Variants in GALNTL6 observed in about 807,000 individuals in gnomAD.
GALNTL6 encodes polypeptide N-acetylgalactosaminyltransferase-like 6.
Under a neutral mutation model 73.7 loss-of-function variants are expected in GALNTL6, and 46 were observed. The ratio of observed to expected loss-of-function variants is 0.62; its 90% CI spans 0.49 to 0.80. The LOEUF (loss-of-function observed/expected upper bound fraction) is 0.80. Among genes scored for constraint, GALNTL6 ranks in the 30% least tolerant of loss-of-function variants. The pLI is 0.00. For synonymous variants in GALNTL6, 259 were observed against 263.7 expected, an observed-to-expected ratio of 0.98 and a Z score of 0.17; for missense variants, 604 against 755.0, an observed-to-expected ratio of 0.80 and a Z score of 2.34.
chr4:173,009,229 G>A lies in GALNTL6; in HGVS notation c.1423G>A (p.Gly475Arg), dbSNP rs137921635. Residue 475 changes from glycine to arginine, a missense_variant, in exon 11 of 13, where the codon GGA becomes AGA. Physicochemically the swap from Gly to Arg is moderately radical, Grantham distance 125. Around this residue, in one of 5 missense-constraint regions of GALNTL6, gnomAD observed 261 missense variants for 296.5 expected, o/e 0.88. Coordinates refer to ENST00000506823, the MANE Select transcript of GALNTL6 (RefSeq NM_001034845.3). The part of the protein sequence containing the change: ...LCVDSKHGAT[G>R]TELRLDICVK... ...TGTGGACAGCAAGCATGGAGCCACC[G>A]GAACAGAGCTGAGGCTGGACATCTG... The A allele has an allele frequency of 2.5e-5, 40 of 1,613,988 alleles. No individual in the cohort carries two copies. In the South Asian group the frequency reaches 2.5e-4, roughly 10 times the overall value.
chr4:172,321,167 A>C (rs1021599575), intron 4 of GALNTL6, among the ~76,000 whole-genome samples: 4 of 152,136 alleles, frequency 2.6e-5, no homozygotes, highest in African/African-American at 7.2e-5. Flanking sequence ...AATAATAATA[A>C]ATATAGAGTT....
At chr4:171,856,896 T>C (rs1395307859) in intron 2 of GALNTL6, among the ~76,000 whole-genome samples, 5 of 152,186 alleles carry the variant, frequency 3.3e-5, no homozygotes, top group Admixed American at 1.3e-4. Context: ...TTTTTCTCCT[T>C]CAATATTGTC....
At chr4:171,886,027 T>C (rs946918344) in intron 2 of GALNTL6, among the ~76,000 whole-genome samples, 1 of 151,796 alleles carries the variant, frequency 6.6e-6, no homozygotes, top group Non-Finnish European at 1.5e-5. Flanking sequence ...CCAGAAAAAA[T>C]TGTAGAGATT....
intron 5 of GALNTL6, among the ~76,000 whole-genome samples, chr4:172,485,713 G>A (rs1733641198): frequency 6.6e-6 from 1 of 152,064 alleles, no homozygotes; most frequent in Non-Finnish European, 1.5e-5. Flanking sequence ...ATAAAAAAGA[G>A]AACTGGCAAA....
At chr4:171,851,253 C>G (rs1368382333) in intron 2 of GALNTL6, among the ~76,000 whole-genome samples, 2 of 152,182 alleles carry the variant, frequency 1.3e-5, no homozygotes, top group Non-Finnish European at 2.9e-5. Flanking sequence ...CTTAGCTCAT[C>G]ACTGGATTCT....
Position 173,032,450 on chromosome 4 carries a change from C to CAA in GALNTL6, c.1639-7467_1639-7466dup, listed in dbSNP as rs1394068256. 1.8e-3 allele frequency among the ~76,000 whole-genome samples: 156 copies of CAA among 87,412 alleles called. 2 individuals are homozygous for CAA. The highest frequency in any genetic ancestry group is 2.9e-3 in the Non-Finnish European group (118 of 40,474). The allele number at this position is 87,412 out of a possible 152,430, so 57.3% of individuals were successfully genotyped here. On this transcript the variant is annotated intron_variant, in intron 12 of 12. Transcript: ENST00000506823. ...TCGGCGACAGAGCGAGACTCCGTCT[C>CAA]AAAAAAAAAAAAAAAAAGTTATATA...
At chr4:172,168,656 GTGA>G (rs1734712645) in intron 2 of GALNTL6, among the ~76,000 whole-genome samples, 1 of 151,898 alleles carries the variant, frequency 6.6e-6, no homozygotes, top group African/African-American at 2.4e-5. Context: ...GCTGGTGATG[GTGA>G]TGATGGTAAT....
chr4:172,266,221 G>A (rs73870050), intron 3 of GALNTL6: 6,350 of 152,346 alleles, frequency 0.042, 439 homozygotes, highest in African/African-American at 0.14. Context: ...GTGAAAGGAG[G>A]GGGTTTACCA....
At chr4:172,552,747 A>G (rs1457850729) in intron 5 of GALNTL6, among the ~76,000 whole-genome samples, 2 of 140,722 alleles carry the variant, frequency 1.4e-5, no homozygotes, top group African/African-American at 5.4e-5. Context: ...TTTTTTTTTT[A>G]ATTCTATATT....
intron 2 of GALNTL6, among the ~76,000 whole-genome samples, chr4:172,089,044 T>C (rs921483739): frequency 1.1e-4 from 16 of 152,132 alleles, no homozygotes; most frequent in Admixed American, 2.6e-4. Context: ...AATGAGTACA[T>C]AGAAAAGAAC....
At chr4:172,085,296 A>G (rs1454101110) in intron 2 of GALNTL6, among the ~76,000 whole-genome samples, 1 of 152,180 alleles carries the variant, frequency 6.6e-6, no homozygotes, top group Non-Finnish European at 1.5e-5. Flanking sequence ...GGAAGGGGAA[A>G]AATAAAGAGG....
chr4:171,883,857 C>A (rs139592252), intron 2 of GALNTL6, among the ~76,000 whole-genome samples: 1 of 151,942 alleles, frequency 6.6e-6, no homozygotes, highest in Non-Finnish European at 1.5e-5. Flanking sequence ...CCGTGTTGGT[C>A]AGGGTGGTCT....
intron 5 of GALNTL6, among the ~76,000 whole-genome samples, chr4:172,569,100 A>G (rs1384281716): frequency 6.6e-6 from 1 of 152,154 alleles, no homozygotes; most frequent in Non-Finnish European, 1.5e-5. Flanking sequence ...GCCCTGGCAT[A>G]GTTCTCTGGG....
At chr4:172,152,219 C>T (rs1444029690) in intron 2 of GALNTL6, among the ~76,000 whole-genome samples, 1 of 152,166 alleles carries the variant, frequency 6.6e-6, no homozygotes, top group African/African-American at 2.4e-5. Flanking sequence ...CTCAAATGAT[C>T]CACCCACCTC....
At chr4:172,065,999 G>A (rs964746307) in intron 2 of GALNTL6, among the ~76,000 whole-genome samples, 1 of 152,106 alleles carries the variant, frequency 6.6e-6, no homozygotes, top group African/African-American at 2.4e-5. Context: ...AGATTTGGGT[G>A]GGGACACAGA....
intron 2 of GALNTL6, among the ~76,000 whole-genome samples, chr4:172,080,016 T>A (rs746576482): frequency 1.3e-5 from 2 of 152,198 alleles, no homozygotes; most frequent in Non-Finnish European, 2.9e-5. Flanking sequence ...TTATATTTTA[T>A]GTGTGATTTT....
At chr4:172,567,662 C>A (rs950929014) in intron 5 of GALNTL6, among the ~76,000 whole-genome samples, 1 of 151,994 alleles carries the variant, frequency 6.6e-6, no homozygotes, top group Admixed American at 6.6e-5. Flanking sequence ...ATGGTGAAAC[C>A]CTGTCTTTAT....
chr4:172,415,694 G>A (rs544960734), intron 5 of GALNTL6, among the ~76,000 whole-genome samples: 2 of 152,098 alleles, frequency 1.3e-5, no homozygotes, highest in East Asian at 1.9e-4. Context: ...TCCAAAAACC[G>A]AGCTCCCTGA....
At chr4:172,630,413 C>G (rs1739342691) in intron 5 of GALNTL6, among the ~76,000 whole-genome samples, 1 of 152,074 alleles carries the variant, frequency 6.6e-6, no homozygotes, top group Non-Finnish European at 1.5e-5. Context: ...GGGAAATTTT[C>G]CTACTAGAAA....
Sources: gnomAD v4.1 joint callset for allele counts (sites outside exome capture counted in the v4.1 genomes callset) on GRCh38, gnomAD v4.1.1 for gene constraint, gnomAD v4.1.1 regional missense constraint, MANE v1.5 for transcripts, NCBI Gene and HGNC (gene_info 2026-07-23, HGNC 2026-07-21) for gene names.